The following ROBO2 variants were observed in gnomAD, a reference collection of about 807,000 sequenced individuals.
ROBO2 encodes roundabout homolog 2.
In ROBO2, 53 loss-of-function variants were observed where a neutral mutation model predicts 160.8. The ratio of observed to expected loss-of-function variants is 0.33; its 90% CI spans 0.26 to 0.41. ROBO2 has a LOEUF of 0.41. Ranked by LOEUF, ROBO2 falls within the 10% of genes least tolerant of loss-of-function variation. The pLI, the probability that ROBO2 is intolerant of heterozygous loss-of-function variation, is 1.00. For missense variants in ROBO2, 1,577 were observed against 1,722.4 expected (o/e 0.92, Z 1.49); for synonymous variants, 664 against 611.7 (o/e 1.09, Z -1.26).
intron 2 of ROBO2, among the ~76,000 whole-genome samples, chr3:76,444,134 T>G (rs1409059443): frequency 6.6e-6 from 1 of 151,852 alleles, no homozygotes; most frequent in Admixed American, 6.6e-5. Context: ...CCCGGCTAAT[T>G]TTTGTATTTT....
intron 6 of ROBO2, among the ~76,000 whole-genome samples, chr3:77,543,176 GC>G (rs1160758512): frequency 8.6e-5 from 13 of 151,836 alleles, no homozygotes; most frequent in African/African-American, 2.7e-4. Flanking sequence ...TCACAACATG[GC>G]CTGATTGGTT....
intron 2 of ROBO2, among the ~76,000 whole-genome samples, chr3:77,027,583 G>T (rs756417813): frequency 1.3e-5 from 2 of 152,208 alleles, no homozygotes; most frequent in Non-Finnish European, 2.9e-5. Context: ...GGTATTAAAT[G>T]ATGGGAACTG....
rs549482359 is a variant in ROBO2 at position 75,926,459 on chromosome 3, C to T, written c.-13-11022C>T. 2.6e-5 allele frequency among the ~76,000 whole-genome samples: 4 copies of T among 152,264 alleles called. No individual in the cohort carries two copies. In the South Asian group the frequency reaches 8.3e-4, roughly 32 times the overall value. On this transcript the variant is annotated intron_variant, in intron 1 of 26. Coordinates refer to the ROBO2 transcript ENST00000487694. ...CTTCTGATTAGTGCCATTAGATTCA[C>T]AAATTGAAATTATTTTTCGGTAGTT...
At chr3:76,503,173 A>G (rs1012031774) in intron 2 of ROBO2, among the ~76,000 whole-genome samples, 1 of 152,192 alleles carries the variant, frequency 6.6e-6, no homozygotes, top group Non-Finnish European at 1.5e-5. Context: ...ATTTGAGGGC[A>G]GGAAGCATCC....
chr3:76,965,473 C>G (rs1272919742), intron 2 of ROBO2, among the ~76,000 whole-genome samples: 1 of 152,138 alleles, frequency 6.6e-6, no homozygotes, highest in African/African-American at 2.4e-5. Flanking sequence ...ATAGCTGCCC[C>G]TGACTAAACA....
At chr3:77,467,587 G>GTATCTATCTATCTATC (rs59640984) in intron 2 of ROBO2, among the ~76,000 whole-genome samples, 4 of 148,136 alleles carry the variant, frequency 2.7e-5, no homozygotes, top group East Asian at 2.0e-4. Flanking sequence ...CTATCTGTCT[G>GTATCTATCTATCTATC]TATCTATCTA....
At chr3:76,093,475 T>G (rs2108109997) in intron 2 of ROBO2, among the ~76,000 whole-genome samples, 1 of 93,642 alleles carries the variant, frequency 1.1e-5, no homozygotes, top group African/African-American at 4.2e-5. Flanking sequence ...TTATAATATA[T>G]TATGTGTAAG....
At chr3:76,070,315 G>A (rs1317197622) in intron 2 of ROBO2, among the ~76,000 whole-genome samples, 2 of 152,208 alleles carry the variant, frequency 1.3e-5, no homozygotes, top group Admixed American at 1.3e-4. Context: ...CGCACCTGGG[G>A]TTGGGTCTCT....
chr3:76,845,675 C>T (rs2068710887), intron 2 of ROBO2, among the ~76,000 whole-genome samples: 1 of 151,994 alleles, frequency 6.6e-6, no homozygotes, highest in African/African-American at 2.4e-5. Flanking sequence ...CCTTTCTCTG[C>T]AGTGCTTTAT....
intron 2 of ROBO2, among the ~76,000 whole-genome samples, chr3:76,722,222 G>C (rs552494145): frequency 6.6e-6 from 1 of 152,032 alleles, no homozygotes; most frequent in East Asian, 1.9e-4. Flanking sequence ...TGTGTTTCAC[G>C]CCGTTCTTCT....
chr3:77,464,693 T>TA (rs397741353), intron 2 of ROBO2, among the ~76,000 whole-genome samples: 7 of 151,920 alleles, frequency 4.6e-5, no homozygotes, highest in African/African-American at 9.7e-5. Flanking sequence ...GATTTTTTTT[T>TA]AATTTCAGAA....
At chr3:77,458,737 A>T (rs1369564922) in intron 2 of ROBO2, among the ~76,000 whole-genome samples, 30 of 152,202 alleles carry the variant, frequency 2.0e-4, no homozygotes, top group Non-Finnish European at 5.9e-5. Context: ...AGCATGGCAT[A>T]ATAACTGATT....
chr3:76,387,964 G>T (rs986623858), intron 2 of ROBO2, among the ~76,000 whole-genome samples: 2 of 152,166 alleles, frequency 1.3e-5, no homozygotes, highest in Non-Finnish European at 2.9e-5. Context: ...TTTTACCTTA[G>T]AAAATTAAAT....
At chr3:76,973,570 C>CTGA in intron 2 of ROBO2, among the ~76,000 whole-genome samples, 1 of 152,132 alleles carries the variant, frequency 6.6e-6, no homozygotes, top group Non-Finnish European at 1.5e-5. Context: ...ACCTTATTAT[C>CTGA]AATAGCATTG....
chr3:76,104,556 A>C (rs1171094660), intron 2 of ROBO2, among the ~76,000 whole-genome samples: 1 of 152,222 alleles, frequency 6.6e-6, no homozygotes, highest in Non-Finnish European at 1.5e-5. Context: ...TCATAGCCAT[A>C]AAATGATGGA....
At chr3:75,935,707 A>T (rs1396687702) in intron 1 of ROBO2, among the ~76,000 whole-genome samples, 1 of 152,192 alleles carries the variant, frequency 6.6e-6, no homozygotes, top group East Asian at 1.9e-4. Context: ...ATTTGGGATC[A>T]AATACTTGAG....
chr3:76,053,211 T>C (rs1311785843), intron 2 of ROBO2, among the ~76,000 whole-genome samples: 2 of 152,028 alleles, frequency 1.3e-5, no homozygotes, highest in Non-Finnish European at 2.9e-5. Context: ...CATTTAGTTT[T>C]TGTTTTTAAA....
At chr3:76,759,955 G>A (rs2061209099) in intron 2 of ROBO2, among the ~76,000 whole-genome samples, 2 of 151,650 alleles carry the variant, frequency 1.3e-5, no homozygotes, top group Admixed American at 6.6e-5. Flanking sequence ...CAGAACTCTG[G>A]GACTCAGAAT....
At chr3:76,317,283 C>G (rs1257157588) in intron 2 of ROBO2, among the ~76,000 whole-genome samples, 1 of 152,202 alleles carries the variant, frequency 6.6e-6, no homozygotes, top group African/African-American at 2.4e-5. Context: ...ACATTTCTTA[C>G]TTTTAGCCAA....
Sources: allele counts gnomAD v4.1 joint callset (sites outside exome capture counted in the v4.1 genomes callset), GRCh38; gene constraint gnomAD v4.1.1; transcripts MANE v1.5; gene names NCBI Gene and HGNC (gene_info 2026-07-23, HGNC 2026-07-21).